Variants in ASPG observed in about 807,000 individuals in gnomAD.
ASPG encodes 60 kDa lysophospholipase.
A neutral mutation model predicts 63.2 loss-of-function variants in ASPG; 53 were observed. The observed-to-expected ratio is 0.84, with a 90% CI of 0.67 to 1.05. ASPG has a LOEUF of 1.05. ASPG is among the 50% of genes least tolerant of loss of function. The pLI, the probability that ASPG is intolerant of heterozygous loss-of-function variation, is 0.00. For synonymous variants in ASPG, 370 were observed against 355.0 expected (o/e 1.04, Z -0.48); for missense variants, 741 against 794.4 (o/e 0.93, Z 0.81).
At chr14:104,106,127 G>A (rs1021602867) in intron 10 of ASPG, among the ~76,000 whole-genome samples, 5 of 152,264 alleles carry the variant, frequency 3.3e-5, no homozygotes, top group Non-Finnish European at 7.3e-5. Flanking sequence ...GTGATGGGCA[G>A]ATGGAAAGGA....
In ASPG at chr14:104,110,263, G is replaced by A; in HGVS notation, c.1520+948G>A. On this transcript the variant is annotated intron_variant, in intron 13 of 15. Transcript: ENST00000551177. The surrounding 1 kb of genome is among the most constrained non-coding windows in gnomAD (Gnocchi z 4.7). ...GGTGATGGCGGGGGCTCGGCTCACTGGCTGGGAGGGGGTGGGTGCAGGCGC... is the reference window on the plus strand; with the variant it reads ...GGTGATGGCGGGGGCTCGGCTCACTAGCTGGGAGGGGGTGGGTGCAGGCGC... 1.0e-6 allele frequency: 1 copy of A among 985,056 alleles called. No homozygotes were observed. The highest frequency in any genetic ancestry group is 1.2e-6 in the Non-Finnish European group (1 of 829,728). 61.0% of individuals were successfully genotyped at this position (985,056 alleles called of 1,614,324 possible).
chr14:104,106,662 G>T (rs1462631033), intron 10 of ASPG, 137 bp from the exon 11 acceptor site: 1 of 772,114 alleles, frequency 1.3e-6, no homozygotes, highest in East Asian at 2.7e-5. Flanking sequence ...GGCAGCTCAG[G>T]TTCCTTCTCA....
In ASPG at chr14:104,103,563, T is replaced by G; in HGVS notation, c.641T>G (p.Ile214Ser). The change falls in exon 7 of 16, where the codon ATC becomes AGC. Residue 214 changes from isoleucine to serine, a missense_variant and splice_region_variant. By Grantham distance (142) the Ile-to-Ser change is moderately radical. Transcript: ENST00000551177. ...CACACAGGCCCTTCCCTGTCCTCAG[T>G]CAACAGGGAGCTGGTGCGGAAGGTG... ...PLATVGADITINRELVRKVDG... is the reference protein window; with the variant it reads ...PLATVGADITSNRELVRKVDG... 6 of 1,547,600 alleles carry G rather than the reference T, an allele frequency of 3.9e-6. No homozygotes were observed. The highest frequency in any genetic ancestry group is 5.2e-6 in the Non-Finnish European group (6 of 1,146,332).
Position 104,109,649 on chromosome 14 carries a change from G to C in ASPG, c.1520+334G>C, listed in dbSNP as rs1166931075. ...GAGGGGTATGGGAATTGGTTGTCGG[G>C]TGTGAGAGGGGCTGGGGTGTGGACT... On this transcript the variant is annotated intron_variant, in intron 13 of 15. Transcript: ENST00000551177. This position sits in a 1 kb window ranked among gnomAD's most constrained non-coding sequence, Gnocchi z 4.8. 1.3e-5 allele frequency among the ~76,000 whole-genome samples: 2 copies of C among 149,632 alleles called. No individual in the cohort carries two copies. Among genetic ancestry groups the C allele is most frequent in the Admixed American group, 1.3e-4 (2 of 14,898 alleles).
chr14:104,097,839 C>A (rs528147653), intron 5 of ASPG, among the ~76,000 whole-genome samples: 1 of 142,648 alleles, frequency 7.0e-6, no homozygotes, highest in Non-Finnish European at 1.6e-5. Flanking sequence ...TATGGAGGTT[C>A]TGCGTTAGAG....
At chr14:104,087,254 C>T (rs1465589310) in intron 1 of ASPG, among the ~76,000 whole-genome samples, 2 of 152,238 alleles carry the variant, frequency 1.3e-5, no homozygotes, top group African/African-American at 4.8e-5. Context: ...GGAACAAAGT[C>T]ATTCACAGCT....
chr14:104,086,361 C>T (rs1400765948), intron 1 of ASPG, among the ~76,000 whole-genome samples: 1 of 152,190 alleles, frequency 6.6e-6, no homozygotes, highest in Non-Finnish European at 1.5e-5. Context: ...TGCGGGGACG[C>T]ACGTGTTCAC....
In ASPG at chr14:104,103,302, G is replaced by A. The variant is rs557484282; in HGVS notation, c.641-261G>A. Reference sequence around the variant, plus strand: ...CTTGAGACTGTGTTGCCCATTGCTCGGCCATCGGTCTCTCGCTGGCCAACG... The same window carrying A: ...CTTGAGACTGTGTTGCCCATTGCTCAGCCATCGGTCTCTCGCTGGCCAACG... On this transcript the variant is annotated intron_variant, in intron 6 of 15. Coordinates refer to ENST00000551177, the MANE Select transcript of ASPG (RefSeq NM_001080464.3). Among the ~76,000 whole-genome samples, 215 of 152,384 alleles carry A rather than the reference G, an allele frequency of 1.4e-3. 2 individuals carry two copies. The highest frequency in any genetic ancestry group is 3.9e-4 in the East Asian group (2 of 5,184).
In ASPG at chr14:104,112,771, G is replaced by C; in HGVS notation, c.*227G>C. 1.0e-6 allele frequency: 1 copy of C among 986,882 alleles called. No individual in the cohort carries two copies. 61.1% of individuals were successfully genotyped at this position (986,882 alleles called of 1,614,324 possible). On this transcript the variant is annotated 3_prime_UTR_variant, in exon 16 of 16. Transcript: ENST00000551177. ...TGGGTCCGGGACTGTGGATGTGTGT[G>C]GGGAGTCAGGCCCAGGCTCTGTGGG...
At chr14:104,094,867 A>C (rs1352954488) in intron 3 of ASPG, among the ~76,000 whole-genome samples, 4 of 152,178 alleles carry the variant, frequency 2.6e-5, no homozygotes, top group Non-Finnish European at 5.9e-5. Context: ...GCTCCTCTGC[A>C]GTTCCCAGGC....
intron 6 of ASPG, among the ~76,000 whole-genome samples, chr14:104,102,163 C>T (rs1049967985): frequency 3.3e-5 from 5 of 151,962 alleles, no homozygotes; most frequent in Admixed American, 6.6e-5. Context: ...TCTGCTTGTC[C>T]GGCTGAGACA....
chr14:104,102,645 A>G (rs1371475751), intron 6 of ASPG, among the ~76,000 whole-genome samples: 2 of 152,162 alleles, frequency 1.3e-5, no homozygotes, highest in East Asian at 3.9e-4. Flanking sequence ...AGAGGGGCAG[A>G]GGGAATGGAC....
At chr14:104,104,569 G>A in intron 8 of ASPG, 53 bp from the exon 9 acceptor site, 2 of 1,583,520 alleles carry the variant, frequency 1.3e-6, no homozygotes, top group Non-Finnish European at 1.7e-6. Context: ...ACCCCTCATG[G>A]GCTGGGGGCC....
intron 3 of ASPG, among the ~76,000 whole-genome samples, chr14:104,094,537 C>T (rs1045117603): frequency 2.6e-5 from 4 of 152,074 alleles, no homozygotes; most frequent in Non-Finnish European, 5.9e-5. Context: ...TAGTAGGGGG[C>T]CTCCTGCCCG....
At chr14:104,093,114 T>G in intron 2 of ASPG, 1 of 473,822 alleles carries the variant, frequency 2.1e-6, no homozygotes. Flanking sequence ...AGCTCCCTGA[T>G]GTCCCCCACA....
intron 10 of ASPG, among the ~76,000 whole-genome samples, chr14:104,105,941 A>G (rs1465531356): frequency 1.3e-5 from 2 of 152,206 alleles, no homozygotes; most frequent in Non-Finnish European, 2.9e-5. Flanking sequence ...GGACCCCGCA[A>G]CATGCCCCCT....
chr14:104,111,020 G>C (rs2037361275), intron 13 of ASPG: 3 of 985,432 alleles, frequency 3.0e-6, no homozygotes, highest in Non-Finnish European at 3.6e-6. Flanking sequence ...TGAACCACTG[G>C]GCTGCCTCAA....
At position 104,098,888 on chromosome 14, in the gene ASPG, C is replaced by T. The variant is rs1406896944; in HGVS notation, c.549C>T (p.Gly183=). 6 of 1,612,916 alleles carry T rather than the reference C, an allele frequency of 3.7e-6. No homozygotes were observed. The South Asian group carries it at 5.5e-5, about 15-fold the overall frequency. ...TCTTCCAGAATCAGCTGTTTCGGGGCAACCGGGCAACCAAGGTAGACGCTC... is the reference window on the plus strand; with the variant it reads ...TCTTCCAGAATCAGCTGTTTCGGGGTAACCGGGCAACCAAGGTAGACGCTC... ...CLFFQNQLFR[G]NRATKVDARR... is the part of the protein sequence containing the mutation. The change falls in exon 6 of 16, where the codon GGC becomes GGT. Residue 183 remains glycine, a synonymous_variant. Coordinates refer to ENST00000551177, the MANE Select transcript of ASPG (RefSeq NM_001080464.3).
chr14:104,106,613 G>C (rs534520286), intron 10 of ASPG, among the ~76,000 whole-genome samples, 186 bp from the exon 11 acceptor site: 1 of 152,104 alleles, frequency 6.6e-6, no homozygotes, highest in South Asian at 2.1e-4. Context: ...GGCCTGGATG[G>C]GGTGGGGTGG....
Sources: gnomAD v4.1 joint callset for allele counts (sites outside exome capture counted in the v4.1 genomes callset) on GRCh38, gnomAD v4.1.1 for gene constraint, Gnocchi (gnomAD v3.1) non-coding constraint, MANE v1.5 for transcripts, NCBI Gene and HGNC (gene_info 2026-07-23, HGNC 2026-07-21) for gene names.